The following UBR2 variants were observed in gnomAD, a reference collection of about 807,000 sequenced individuals.
UBR2 encodes ubiquitin protein ligase E3 component n-recognin 2, also known as E3 ubiquitin-protein ligase UBR2.
In UBR2, 92 loss-of-function variants were observed where a neutral mutation model predicts 247.9. The ratio of observed to expected loss-of-function variants is 0.37; its 90% CI spans 0.31 to 0.44. The LOEUF is 0.44. Ranked by LOEUF, UBR2 falls within the 20% of genes least tolerant of loss-of-function variation. UBR2 has a pLI of 1.00. For missense variants in UBR2, 1,613 were observed against 2,112.6 expected, an observed-to-expected ratio of 0.76 and a Z score of 4.64; for synonymous variants, 672 against 693.5, an observed-to-expected ratio of 0.97 and a Z score of 0.49.
intron 2 of UBR2, among the ~76,000 whole-genome samples, chr6:42,590,078 A>C (rs1215499074): frequency 6.6e-6 from 1 of 152,226 alleles, no homozygotes; most frequent in Admixed American, 6.5e-5. Context: ...CTCCAGTTAC[A>C]CAGTAGTATA....
rs774770022 is a variant in UBR2 at position 42,670,192 on chromosome 6, G to C, written c.3982G>C (p.Val1328Leu). 6.2e-7 allele frequency: 1 copy of C among 1,614,182 alleles called. No individual in the cohort carries two copies. The highest frequency in any genetic ancestry group is 2.2e-5 in the East Asian group (1 of 44,878). ...TCATCCCAATGAAGAGGATCCTCGT[G>C]TTCCCATAATGTGTTGGGGTAGCTG... is the stretch of plus-strand genomic sequence containing the variant. ...KVHPNEEDPR[V>L]PIMCWGSCAY... Residue 1328 changes from valine to leucine, a missense_variant, in exon 35 of 47, where the codon GTT becomes CTT. Transcript: ENST00000372901.
At chr6:42,613,948 G>A (rs1007089377) in intron 8 of UBR2, among the ~76,000 whole-genome samples, 10 of 151,340 alleles carry the variant, frequency 6.6e-5, no homozygotes, top group South Asian at 2.1e-4. Flanking sequence ...GCTAAGGCAA[G>A]TGGGTCACTT....
chr6:42,573,839 G>A lies in UBR2; in HGVS notation c.184G>A (p.Asp62Asn), dbSNP rs540943211. The A allele has an allele frequency of 1.4e-4, 221 of 1,614,000 alleles. 2 individuals carry two copies. The South Asian group carries it at 2.3e-3, about 17-fold the overall frequency. The change falls in exon 2 of 47, where the codon GAC becomes AAC. Residue 62 changes from aspartate to asparagine, a missense_variant. Physicochemically the swap from Asp to Asn is conservative, Grantham distance 23. Transcript: ENST00000372901. The part of the protein sequence containing the change: ...RGPNPFPQKE[D>N]MLAQHVLLGP... ...TCCCAACCCTTTTCCACAGAAAGAAGACATGCTGGCACAGCATGTTTTGTT... is the reference window on the plus strand; with the variant it reads ...TCCCAACCCTTTTCCACAGAAAGAAAACATGCTGGCACAGCATGTTTTGTT...
intron 11 of UBR2, among the ~76,000 whole-genome samples, chr6:42,630,219 C>CT (rs1238538921): frequency 1.3e-4 from 19 of 148,808 alleles, no homozygotes; most frequent in African/African-American, 4.5e-4. Flanking sequence ...GAGTCTTGCT[C>CT]TGTCGCCTAG....
At chr6:42,601,613 G>A (rs559911075) in intron 4 of UBR2, among the ~76,000 whole-genome samples, 24 of 151,296 alleles carry the variant, frequency 1.6e-4, no homozygotes, top group African/African-American at 4.8e-4. Flanking sequence ...GCTTGAACCC[G>A]GGAGGCGGAC....
chr6:42,636,259 C>T (rs1300336666), intron 14 of UBR2, among the ~76,000 whole-genome samples: 1 of 150,724 alleles, frequency 6.6e-6, no homozygotes, highest in Non-Finnish European at 1.5e-5. Flanking sequence ...CTCACTGCAG[C>T]CTCAACCTCC....
intron 26 of UBR2, 81 bp from the exon 27 acceptor site, chr6:42,657,943 T>G: frequency 9.7e-7 from 1 of 1,033,306 alleles, no homozygotes; most frequent in Non-Finnish European, 1.5e-6. Flanking sequence ...TATAAGCAAC[T>G]GCATTTATGT....
chr6:42,662,037 A>G (rs191053209), intron 30 of UBR2, 147 bp from the exon 31 acceptor site: 2 of 533,802 alleles, frequency 3.7e-6, no homozygotes, highest in Non-Finnish European at 6.6e-6. Context: ...AAGGTGTTGC[A>G]TAAATTGGTA....
At chr6:42,641,514 T>C (rs2151958249) in intron 16 of UBR2, 68 bp from the exon 17 acceptor site, 1 of 1,202,872 alleles carries the variant, frequency 8.3e-7, no homozygotes, top group Non-Finnish European at 1.2e-6. Flanking sequence ...CGACCAAACT[T>C]CTTTTTAGAA....
rs1222604179 is a variant in UBR2 at position 42,614,201 on chromosome 6, AAAAAC to A, written c.986-869_986-865del. ...CCAAAAAAAAAAAAAAAAAAAAAAA[AAAAAC>A]TATATATATATACACACACACACAC... On this transcript the variant is annotated intron_variant, in intron 8 of 46. Transcript: ENST00000372901. 2.0e-3 allele frequency among the ~76,000 whole-genome samples: 122 copies of A among 60,744 alleles called. 3 individuals carry two copies. The highest frequency in any genetic ancestry group is 5.7e-3 in the African/African-American group (80 of 14,134). The allele number at this position is 60,744 out of a possible 152,430, so 39.9% of individuals were successfully genotyped here. A position where few individuals can be genotyped will look rare whatever the true frequency, so the allele number is the denominator to read the frequency against.
At chr6:42,686,389 G>T (rs1295503498) in intron 44 of UBR2, among the ~76,000 whole-genome samples, 3 of 151,178 alleles carry the variant, frequency 2.0e-5, no homozygotes, top group Non-Finnish European at 3.0e-5. Flanking sequence ...AGAGCACGGG[G>T]TTGGGGGTAA....
intron 42 of UBR2, among the ~76,000 whole-genome samples, chr6:42,682,204 G>A (rs1799098389): frequency 1.3e-5 from 2 of 152,164 alleles, no homozygotes; most frequent in South Asian, 4.1e-4. Context: ...GGTACCTAGA[G>A]TAGTCAAATT....
intron 11 of UBR2, among the ~76,000 whole-genome samples, chr6:42,632,069 A>AAAATATATAT (rs56721828): frequency 1.6e-4 from 18 of 114,076 alleles, no homozygotes; most frequent in African/African-American, 5.7e-4. Context: ...AAAAAAAAAA[A>AAAATATATAT]ATATATATAT....
intron 36 of UBR2, among the ~76,000 whole-genome samples, chr6:42,672,660 C>A (rs1445769996): frequency 2.0e-5 from 3 of 152,172 alleles, no homozygotes; most frequent in African/African-American, 7.2e-5. Flanking sequence ...TTTGCACATT[C>A]CATTTCCTCT....
intron 11 of UBR2, among the ~76,000 whole-genome samples, chr6:42,627,003 A>G (rs1214931988): frequency 6.6e-6 from 1 of 152,166 alleles, no homozygotes; most frequent in Non-Finnish European, 1.5e-5. Flanking sequence ...GGGAATTGCA[A>G]TAGAGAAAGA....
intron 15 of UBR2, among the ~76,000 whole-genome samples, chr6:42,638,187 C>A (rs1287969661): frequency 6.6e-6 from 1 of 151,950 alleles, no homozygotes; most frequent in Non-Finnish European, 1.5e-5. Flanking sequence ...TAGATACGGG[C>A]CTGTTTAGGT....
intron 42 of UBR2, among the ~76,000 whole-genome samples, chr6:42,681,232 T>C (rs1799033447): frequency 6.7e-6 from 1 of 149,922 alleles, no homozygotes; most frequent in Admixed American, 6.6e-5. Context: ...ACAAAAAATT[T>C]AAACATTAGG....
intron 23 of UBR2, among the ~76,000 whole-genome samples, chr6:42,651,500 A>AT (rs147763667): frequency 1.3e-5 from 2 of 149,896 alleles, no homozygotes; most frequent in African/African-American, 5.0e-5. Flanking sequence ...TATCTTTTTT[A>AT]TTTTTTATTT....
At chr6:42,570,176 A>G (rs1393857213) in intron 1 of UBR2, among the ~76,000 whole-genome samples, 1 of 152,246 alleles carries the variant, frequency 6.6e-6, no homozygotes. Context: ...ATCAGCTTAA[A>G]GTGCCTGTAA....
Sources: allele counts gnomAD v4.1 joint callset (sites outside exome capture counted in the v4.1 genomes callset), GRCh38; gene constraint gnomAD v4.1.1; transcripts MANE v1.5; gene names NCBI Gene and HGNC (gene_info 2026-07-23, HGNC 2026-07-21).